The following GRIP1 variants were observed in gnomAD, a reference collection of about 807,000 sequenced individuals.
The protein encoded by GRIP1 is glutamate receptor interacting protein 1, also known as glutamate receptor-interacting protein 1.
GRIP1 carries 45 observed loss-of-function variants against 129.9 expected under a neutral mutation model. The ratio of observed to expected loss-of-function variants is 0.35; its 90% confidence interval spans 0.27 to 0.44. The LOEUF (loss-of-function observed/expected upper bound fraction) is 0.44, where lower values mean the gene tolerates loss of function less well. GRIP1 is among the 20% of genes least tolerant of loss of function. GRIP1 has a pLI of 1.00. For synonymous variants in GRIP1, 530 were observed against 520.8 expected, an observed-to-expected ratio of 1.02 and a Z score of -0.24; for missense variants, 1,196 against 1,396.8, an observed-to-expected ratio of 0.86 and a Z score of 2.29.
rs71096098 is a variant in GRIP1 at position 66,401,598 on chromosome 12, G to GTGTATA, written c.1984+4684_1984+4685insTATACA. Among the ~76,000 whole-genome samples, 152 of 66,254 alleles carry GTGTATA rather than the reference G, an allele frequency of 2.3e-3. 7 individuals carry two copies. The highest frequency in any genetic ancestry group is 6.4e-3 in the South Asian group (10 of 1,562). 43.5% of individuals were successfully genotyped at this position (66,254 alleles called of 152,430 possible). ...CCGTCTCAAAAAAAAAAATATGTGT[G>GTGTATA]TATATATATATACACACACACACAC... On this transcript the variant is annotated intron_variant, in intron 16 of 24. Coordinates refer to ENST00000359742, the MANE Select transcript of GRIP1 (RefSeq NM_001366722.1).
intron 1 of GRIP1, among the ~76,000 whole-genome samples, chr12:66,758,852 C>T (rs547238878): frequency 6.6e-6 from 1 of 152,308 alleles, no homozygotes; most frequent in South Asian, 2.1e-4. Context: ...GAGGCAGGTT[C>T]CCATGGTCTT....
At position 66,406,359 on chromosome 12, in the gene GRIP1, C is replaced by T. The variant is rs772056635; in HGVS notation, c.1908G>A (p.Met636Ile). The change falls in exon 16 of 25, where the codon ATG becomes ATA. Residue 636 changes from methionine (M) to isoleucine (I), a missense_variant. This residue lies in a region of GRIP1 where 508 missense variants were observed against 587.0 expected (regional missense o/e 0.87). Transcript: ENST00000359742. ...GCTGGAGGATCTGAACTGCATCTTC[C>T]ATGGAACAGTTGTCCAGCCGGATAT... Reference protein sequence around the residue: ...IDNIRLDNCSMEDAVQILQQC... With the variant: ...IDNIRLDNCSIEDAVQILQQC... The T allele has an allele frequency of 1.9e-6, 3 of 1,613,808 alleles. No homozygotes were observed. The Admixed American group carries it at 5.0e-5, about 27-fold the overall frequency.
intron 1 of GRIP1, among the ~76,000 whole-genome samples, chr12:66,889,064 C>T (rs943937189): frequency 1.3e-5 from 2 of 152,212 alleles, no homozygotes; most frequent in Non-Finnish European, 2.9e-5. Context: ...AAAGTCAGTG[C>T]CAGAGTCCAG....
intron 1 of GRIP1, among the ~76,000 whole-genome samples, chr12:67,001,841 G>A (rs150958876): frequency 4.5e-4 from 69 of 152,116 alleles, no homozygotes; most frequent in African/African-American, 1.5e-3. Context: ...CAGCCAACTC[G>A]GTTCCTCCTT....
intron 1 of GRIP1, among the ~76,000 whole-genome samples, chr12:66,921,816 C>T (rs2041218134): frequency 6.6e-6 from 1 of 152,164 alleles, no homozygotes; most frequent in Admixed American, 6.5e-5. Flanking sequence ...TTTTTCCCTC[C>T]ACTCTGAATG....
At chr12:66,986,823 TATAATA>T (rs2042319386) in intron 1 of GRIP1, among the ~76,000 whole-genome samples, 2 of 149,008 alleles carry the variant, frequency 1.3e-5, no homozygotes, top group Admixed American at 1.3e-4. Context: ...AAACTTAAAG[TATAATA>T]ATAATAAAAT....
intron 7 of GRIP1, among the ~76,000 whole-genome samples, chr12:66,506,858 G>A (rs1051435172): frequency 1.4e-5 from 2 of 146,658 alleles, no homozygotes; most frequent in Admixed American, 1.4e-4. Context: ...GGGAGCCAGA[G>A]TATTCTGCAA....
chr12:66,740,174 T>TAAA, intron 1 of GRIP1, among the ~76,000 whole-genome samples: 1 of 152,212 alleles, frequency 6.6e-6, no homozygotes, highest in South Asian at 2.1e-4. Context: ...ATGCCATGTC[T>TAAA]GTTAGATCAC....
Position 67,005,023 on chromosome 12 carries a change from T to TA in GRIP1, c.58+64026dup, listed in dbSNP as rs34237594. On this transcript the variant is annotated intron_variant, in intron 1 of 1. Transcript: ENST00000643019. Reference sequence around the variant, plus strand: ...AAGATGAACTTTGTTGCATTAACTTTAAAAAAAAAAAAGACAAAAATAAAA... The same window carrying TA: ...AAGATGAACTTTGTTGCATTAACTTTAAAAAAAAAAAAAGACAAAAATAAAA... 8.0e-5 allele frequency among the ~76,000 whole-genome samples: 12 copies of TA among 149,520 alleles called. No individual in the cohort carries two copies. In the South Asian group the frequency reaches 1.1e-3, roughly 13 times the overall value.
chr12:66,822,145 A>G (rs1470710050), intron 1 of GRIP1, among the ~76,000 whole-genome samples: 1 of 152,210 alleles, frequency 6.6e-6, no homozygotes, highest in East Asian at 1.9e-4. Flanking sequence ...AGAAGCTTAT[A>G]AAAGCCCAGA....
chr12:66,996,981 G>A (rs2042476778), intron 1 of GRIP1, among the ~76,000 whole-genome samples: 1 of 152,044 alleles, frequency 6.6e-6, no homozygotes, highest in African/African-American at 2.4e-5. Flanking sequence ...ACACAGCATC[G>A]AGCTGAAGAC....
chr12:66,941,019 T>A (rs2041575440), intron 1 of GRIP1, among the ~76,000 whole-genome samples: 1 of 152,044 alleles, frequency 6.6e-6, no homozygotes, highest in South Asian at 2.1e-4. Flanking sequence ...GAAAACAATA[T>A]GCATTTTATT....
At chr12:66,796,835 C>T (rs2038713483) in intron 1 of GRIP1, among the ~76,000 whole-genome samples, 3 of 152,082 alleles carry the variant, frequency 2.0e-5, no homozygotes, top group Admixed American at 2.0e-4. Flanking sequence ...TTATTATTTA[C>T]AATATTATTA....
intron 14 of GRIP1, among the ~76,000 whole-genome samples, chr12:66,429,061 T>C (rs1054751054): frequency 4.6e-5 from 7 of 152,196 alleles, no homozygotes; most frequent in African/African-American, 1.7e-4. Context: ...AAGCAATGCC[T>C]GGTGCTAATA....
At chr12:66,890,781 G>T (rs139633620) in intron 1 of GRIP1, among the ~76,000 whole-genome samples, 6 of 152,334 alleles carry the variant, frequency 3.9e-5, no homozygotes, top group Admixed American at 2.0e-4. Flanking sequence ...GCCTAAAGAA[G>T]AATTTTAGCA....
At chr12:67,024,440 A>G (rs2042911621) in intron 1 of GRIP1, among the ~76,000 whole-genome samples, 1 of 152,174 alleles carries the variant, frequency 6.6e-6, no homozygotes, top group South Asian at 2.1e-4. Flanking sequence ...AATGAAAGAA[A>G]GTGAAGGAGA....
At chr12:66,485,415 T>TAA (rs2059926112) in intron 7 of GRIP1, among the ~76,000 whole-genome samples, 1 of 150,700 alleles carries the variant, frequency 6.6e-6, no homozygotes, top group African/African-American at 2.4e-5. Context: ...TATATATATA[T>TAA]AATTTAAAAA....
At chr12:66,456,428 C>A in intron 9 of GRIP1, 86 bp from the exon 10 acceptor site, 2 of 630,334 alleles carry the variant, frequency 3.2e-6, no homozygotes, top group Non-Finnish European at 4.7e-6. Flanking sequence ...CTGAATTGCC[C>A]AAATTAAAAG....
At chr12:66,958,945 T>C (rs1316716899) in intron 1 of GRIP1, among the ~76,000 whole-genome samples, 7 of 152,198 alleles carry the variant, frequency 4.6e-5, no homozygotes, top group Non-Finnish European at 1.0e-4. Flanking sequence ...TATCTATTGT[T>C]ATTGTTACTT....
Sources: allele counts gnomAD v4.1 joint callset (sites outside exome capture counted in the v4.1 genomes callset), GRCh38; gene constraint gnomAD v4.1.1; regional missense constraint gnomAD v4.1.1; transcripts MANE v1.5; gene names NCBI Gene and HGNC (gene_info 2026-07-23, HGNC 2026-07-21).